The following NF1 variants were observed in gnomAD, a reference collection of about 807,000 sequenced individuals.
NF1 encodes neurofibromin 1, also known as neurofibromin.
In NF1, 122 loss-of-function variants were observed where a neutral mutation model predicts 325.7. The observed-to-expected ratio is 0.37, with a 90% CI of 0.32 to 0.44. The LOEUF (loss-of-function observed/expected upper bound fraction) is 0.44, where lower values mean the gene tolerates loss of function less well. Among genes scored for constraint, NF1 ranks in the 20% least tolerant of loss-of-function variants. The pLI is 1.00. For missense variants in NF1, 2,140 were observed against 3,415.4 expected (o/e 0.63, Z 9.31); for synonymous variants, 1,091 against 1,186.0 (o/e 0.92, Z 1.65).
chr17:31,254,462 A>G lies in NF1; in HGVS notation c.4173+1462A>G, dbSNP rs188234609. Among the ~76,000 whole-genome samples, 1,454 of 152,212 alleles carry G rather than the reference A, an allele frequency of 9.6e-3. 9 individuals carry two copies. The highest frequency in any genetic ancestry group is 0.014 in the Non-Finnish European group (951 of 68,016). On this transcript the variant is annotated intron_variant, in intron 31 of 57. Coordinates refer to ENST00000358273, the MANE Select transcript of NF1 (RefSeq NM_001042492.3). Reference sequence around the variant, plus strand: ...TTATATTAAGTAAATTTGCCTAGCTATGATCAAATTGATTGGATTATAAAG... The same window carrying G: ...TTATATTAAGTAAATTTGCCTAGCTGTGATCAAATTGATTGGATTATAAAG...
chr17:31,221,808 A>G, intron 14 of NF1, 42 bp from the exon 15 acceptor site: 1 of 1,404,090 alleles, frequency 7.1e-7, no homozygotes, highest in Non-Finnish European at 1.0e-6. Flanking sequence ...AAAATGTTTG[A>G]GTGAGTCTTC....
chr17:31,318,634 G>C (rs139943451), intron 36 of NF1: 2 of 1,613,886 alleles, frequency 1.2e-6, no homozygotes, highest in South Asian at 1.1e-5. Context: ...GTTGTTTTCC[G>C]CACAGACATC....
chr17:31,367,693 A>G (rs2070554244), intron 57 of NF1, among the ~76,000 whole-genome samples: 2 of 152,192 alleles, frequency 1.3e-5, no homozygotes, highest in South Asian at 2.1e-4. Context: ...TGTCTATTCA[A>G]TCACCTGTGG....
At chr17:31,252,710 T>C (rs899201595) in intron 30 of NF1, 2 of 524,806 alleles carry the variant, frequency 3.8e-6, no homozygotes, top group East Asian at 6.0e-5. Flanking sequence ...ATAGTAGACA[T>C]GATTGGGTCT....
intron 27 of NF1, among the ~76,000 whole-genome samples, chr17:31,235,300 C>G (rs1305049935): frequency 6.6e-6 from 1 of 152,172 alleles, no homozygotes; most frequent in Non-Finnish European, 1.5e-5. Flanking sequence ...TCTGTTTCTG[C>G]TCTCTTTCAT....
chr17:31,204,625 C>T lies in NF1; in HGVS notation c.1261-1615C>T, dbSNP rs566735649. ...ACTATGAAAATTACTAAATCTTAAG[C>T]CTAAAGTTATTTTATGTGGTGCACC... is the stretch of plus-strand genomic sequence containing the variant. On this transcript the variant is annotated intron_variant, in intron 11 of 57. Transcript: ENST00000358273. Among the ~76,000 whole-genome samples, 429 of 151,310 alleles carry T rather than the reference C, an allele frequency of 2.8e-3. 2 individuals are homozygous for T. Among genetic ancestry groups the T allele is most frequent in the African/African-American group, 9.2e-3 (379 of 41,260 alleles).
At chr17:31,189,758 ATTTTTTT>A (rs1007309645) in intron 8 of NF1, among the ~76,000 whole-genome samples, 1 of 118,562 alleles carries the variant, frequency 8.4e-6, no homozygotes, top group Admixed American at 8.9e-5. Flanking sequence ...AAAGAAAAGT[ATTTTTTT>A]TTTTTTTTTT....
intron 23 of NF1, 75 bp downstream of exon 23, chr17:31,230,457 A>G: frequency 6.5e-7 from 1 of 1,548,930 alleles, no homozygotes; most frequent in Non-Finnish European, 8.9e-7. Context: ...AAGAGTAGAT[A>G]TGCGGTTATT....
At chr17:31,215,044 T>G (rs1270903848) in intron 13 of NF1, among the ~76,000 whole-genome samples, 1 of 152,216 alleles carries the variant, frequency 6.6e-6, no homozygotes, top group Non-Finnish European at 1.5e-5. Flanking sequence ...TCATTGGCTC[T>G]GCCTACAAAT....
intron 36 of NF1, among the ~76,000 whole-genome samples, chr17:31,270,629 A>G (rs1015327345): frequency 3.3e-5 from 5 of 152,328 alleles, no homozygotes; most frequent in African/African-American, 1.2e-4. Context: ...ATTAAAACAA[A>G]ACAAAACAAA....
intron 36 of NF1, among the ~76,000 whole-genome samples, chr17:31,293,208 A>AAAAAAAAAAAAAAAC (rs2068385302): frequency 2.2e-5 from 3 of 138,534 alleles, no homozygotes; most frequent in Non-Finnish European, 4.6e-5. Context: ...AAAAAAAAAA[A>AAAAAAAAAAAAAAAC]AAAGAAACCT....
At chr17:31,335,385 TTATTC>T (rs2069641045) in intron 40 of NF1, among the ~76,000 whole-genome samples, 1 of 142,882 alleles carries the variant, frequency 7.0e-6, no homozygotes, top group Non-Finnish European at 1.5e-5. Context: ...TTCTAGTGCT[TTATTC>T]TAGTTCTCTA....
At position 31,110,682 on chromosome 17, in the gene NF1, CTA is replaced by C. The variant is rs1913322021; in HGVS notation, c.60+15316_60+15317del. Among the ~76,000 whole-genome samples the C allele has an allele frequency of 2.6e-5, 4 of 151,946 alleles. No individual in the cohort carries two copies. In the South Asian group the frequency reaches 8.3e-4, roughly 32 times the overall value. On this transcript the variant is annotated intron_variant, in intron 1 of 57. Coordinates refer to ENST00000358273, the MANE Select transcript of NF1 (RefSeq NM_001042492.3). The stretch of plus-strand genomic sequence containing the variant: ...CAGACAAAGACTTATTTTAAAATAA[CTA>C]TAATATACTTAAGAAAATAAAGGAA...
chr17:31,181,337 A>G, intron 5 of NF1, 85 bp from the exon 6 acceptor site: 4 of 1,233,656 alleles, frequency 3.2e-6, no homozygotes, highest in East Asian at 4.7e-5. Context: ...CAAAAGTAAT[A>G]CGTAAATGGA....
chr17:31,298,979 A>AATGG (rs1405785533), intron 36 of NF1, among the ~76,000 whole-genome samples: 1 of 152,084 alleles, frequency 6.6e-6, no homozygotes, highest in East Asian at 1.9e-4. Flanking sequence ...TTACTTCATT[A>AATGG]ATGGATTCAA....
intron 37 of NF1, 110 bp from the exon 38 acceptor site, chr17:31,327,389 C>T (rs749028961): frequency 3.9e-6 from 3 of 770,152 alleles, no homozygotes; most frequent in Non-Finnish European, 6.7e-6. Context: ...GGAACTCTTC[C>T]TTAAATGGCA....
At chr17:31,309,305 A>G (rs975923557) in intron 36 of NF1, among the ~76,000 whole-genome samples, 2 of 152,130 alleles carry the variant, frequency 1.3e-5, no homozygotes, top group Non-Finnish European at 2.9e-5. Context: ...TTTCCATTTT[A>G]GTTTTTGCTT....
At chr17:31,329,313 T>C (rs2069423443) in intron 38 of NF1, among the ~76,000 whole-genome samples, 1 of 152,248 alleles carries the variant, frequency 6.6e-6, no homozygotes, top group Admixed American at 6.5e-5. Flanking sequence ...TTAACAATTA[T>C]TAGCCTGGGT....
At position 31,314,943 on chromosome 17, in the gene NF1, C is replaced by G. The variant is rs2068982783; in HGVS notation, c.4836-10877C>G. 2.0e-5 allele frequency among the ~76,000 whole-genome samples: 3 copies of G among 152,248 alleles called. No individual in the cohort carries two copies. In the South Asian group the frequency reaches 6.2e-4, roughly 32 times the overall value. ...TAACAGCGTACGAGAGTTCCATTTT[C>G]TCCACACCCTTCCCAGCACTTGTTA... On this transcript the variant is annotated intron_variant, in intron 36 of 57. Coordinates refer to ENST00000358273, the MANE Select transcript of NF1 (RefSeq NM_001042492.3).
Sources: allele counts gnomAD v4.1 joint callset (sites outside exome capture counted in the v4.1 genomes callset), GRCh38; gene constraint gnomAD v4.1.1; transcripts MANE v1.5; gene names NCBI Gene and HGNC (gene_info 2026-07-23, HGNC 2026-07-21).